CFAP57: variants seen among roughly 807,000 people sequenced by gnomAD.
CFAP57 encodes the protein cilia and flagella associated protein 57.
CFAP57 carries 116 observed loss-of-function variants against 146.8 expected under a neutral mutation model. The ratio of observed to expected loss-of-function variants is 0.79; its 90% CI spans 0.68 to 0.92. CFAP57 has a LOEUF of 0.92. Among genes scored for constraint, CFAP57 ranks in the 40% least tolerant of loss-of-function variants. The pLI is 0.00. For synonymous variants in CFAP57, 518 were observed against 552.8 expected (o/e 0.94, Z 0.88); for missense variants, 1,377 against 1,527.2 (o/e 0.90, Z 1.64).
chr1:43,186,610 CAAAA>C (rs36219136), intron 5 of CFAP57, 93 bp from the exon 6 acceptor site: 5,339 of 740,332 alleles, frequency 7.2e-3, no homozygotes, highest in Non-Finnish European at 8.4e-3. Flanking sequence ...GACTCCGTCT[CAAAA>C]AAAAAAAAAA....
chr1:43,213,219 CT>C (rs1476518750), intron 11 of CFAP57, among the ~76,000 whole-genome samples: 1 of 152,188 alleles, frequency 6.6e-6, no homozygotes, highest in African/African-American at 2.4e-5. Flanking sequence ...TCCCAAGTAG[CT>C]GGGATTACAG....
At chr1:43,247,270 A>G (rs1646144887) in intron 22 of CFAP57, among the ~76,000 whole-genome samples, 1 of 152,152 alleles carries the variant, frequency 6.6e-6, no homozygotes, top group African/African-American at 2.4e-5. Context: ...CAACCCCAAC[A>G]TTTCCCCACT....
intron 13 of CFAP57, among the ~76,000 whole-genome samples, chr1:43,220,711 G>A (rs547503843): frequency 2.0e-5 from 3 of 151,992 alleles, no homozygotes; most frequent in African/African-American, 4.8e-5. Context: ...ATGACAGAGC[G>A]AGGCCCTGTC....
At chr1:43,195,485 C>T (rs12033374) in intron 6 of CFAP57, among the ~76,000 whole-genome samples, 27,258 of 151,240 alleles carry the variant, frequency 0.18, 3,549 homozygotes, top group African/African-American at 0.35. Context: ...CACGCCACTG[C>T]ACTCCAGCCT....
chr1:43,197,344 G>A (rs998389180), intron 6 of CFAP57, among the ~76,000 whole-genome samples: 10 of 152,080 alleles, frequency 6.6e-5, no homozygotes, highest in South Asian at 2.1e-4. Context: ...GGGACAGAGC[G>A]AGACTCCATC....
intron 2 of CFAP57, among the ~76,000 whole-genome samples, chr1:43,175,310 T>C (rs143766746): frequency 0.014 from 2,154 of 152,036 alleles, 51 homozygotes; most frequent in African/African-American, 0.05. Context: ...TATATGTACA[T>C]GTATATATAC....
At chr1:43,237,005 A>G (rs1189530598) in intron 21 of CFAP57, among the ~76,000 whole-genome samples, 2 of 152,108 alleles carry the variant, frequency 1.3e-5, no homozygotes, top group Middle Eastern at 3.2e-3. Flanking sequence ...CTAGAAGCCC[A>G]TCACAGGATG....
At chr1:43,174,599 C>T (rs181892512) in intron 2 of CFAP57, among the ~76,000 whole-genome samples, 165 of 152,252 alleles carry the variant, frequency 1.1e-3, no homozygotes, top group East Asian at 5.8e-4. Flanking sequence ...GGGCAGATCA[C>T]GAGGTCAAGA....
intron 2 of CFAP57, among the ~76,000 whole-genome samples, chr1:43,174,938 A>C (rs11210803): frequency 0.2 from 30,744 of 152,204 alleles, 3,613 homozygotes; most frequent in Middle Eastern, 0.3. Context: ...ATTACTCTTT[A>C]CAAATCAGAT....
At chr1:43,222,791 C>T (rs1352334668) in intron 15 of CFAP57, 33 bp from the exon 16 acceptor site, 1 of 1,508,604 alleles carries the variant, frequency 6.6e-7, no homozygotes, top group East Asian at 2.5e-5. Flanking sequence ...AGTCCCTTCT[C>T]CCCTGACCAC....
intron 6 of CFAP57, among the ~76,000 whole-genome samples, chr1:43,192,837 GA>G (rs1329370261): frequency 6.6e-6 from 1 of 151,902 alleles, no homozygotes; most frequent in Non-Finnish European, 1.5e-5. Flanking sequence ...TGAGGCAGGA[GA>G]ATTGCTAGAA....
Position 43,243,333 on chromosome 1 carries a change from T to G in CFAP57, c.3512T>G (p.Val1171Gly). The G allele has an allele frequency of 6.5e-7, 1 of 1,538,472 alleles. No individual in the cohort carries two copies. The highest frequency in any genetic ancestry group is 8.8e-7 in the Non-Finnish European group (1 of 1,139,844). Residue 1171 changes from valine to glycine, a missense_variant, in exon 22 of 23, where the codon GTC becomes GGC. Val to Gly is a moderately radical substitution (Grantham distance 109, BLOSUM62 -3). Transcript: ENST00000372492. ...GCAGCTCTGAAACTGACCAAGAAAG[T>G]CCGACCACAAGAAGTTTCAGAGACA... Reference protein sequence around the residue: ...LEAALKLTKKVRPQEVSETEP... With the variant: ...LEAALKLTKKGRPQEVSETEP...
At chr1:43,223,143 C>T (rs1204638798) in intron 16 of CFAP57, 146 bp downstream of exon 16, 1 of 894,164 alleles carries the variant, frequency 1.1e-6, no homozygotes, top group Non-Finnish European at 1.7e-6. Flanking sequence ...GAGCACCAGC[C>T]AGTGCACCCT....
At chr1:43,210,185 G>A (rs1189454928) in intron 11 of CFAP57, 17 of 1,539,470 alleles carry the variant, frequency 1.1e-5, no homozygotes, top group Admixed American at 2.0e-5. Flanking sequence ...GGGGCCGTTT[G>A]GTGGATGCCG....
At chr1:43,220,722 C>T (rs952744273) in intron 13 of CFAP57, among the ~76,000 whole-genome samples, 2 of 151,806 alleles carry the variant, frequency 1.3e-5, no homozygotes, top group Non-Finnish European at 2.9e-5. Context: ...AGGCCCTGTC[C>T]CTCACCCCCT....
At chr1:43,247,220 A>G (rs1213174561) in intron 22 of CFAP57, among the ~76,000 whole-genome samples, 1 of 152,238 alleles carries the variant, frequency 6.6e-6, no homozygotes, top group Non-Finnish European at 1.5e-5. Flanking sequence ...GAGAACAAAC[A>G]GCAAACAAAT....
intron 22 of CFAP57, among the ~76,000 whole-genome samples, chr1:43,245,213 G>T (rs1036449216): frequency 3.9e-5 from 6 of 152,010 alleles, no homozygotes; most frequent in Non-Finnish European, 8.8e-5. Flanking sequence ...GGAGGTTGAG[G>T]TGTGAGGATT....
intron 21 of CFAP57, among the ~76,000 whole-genome samples, chr1:43,241,839 T>C (rs1645936686): frequency 6.6e-6 from 1 of 152,148 alleles, no homozygotes; most frequent in Non-Finnish European, 1.5e-5. Flanking sequence ...ACAAGCTGAC[T>C]ACTGTGGCTG....
At chr1:43,247,431 A>G (rs1646152837) in intron 22 of CFAP57, among the ~76,000 whole-genome samples, 3 of 152,230 alleles carry the variant, frequency 2.0e-5, no homozygotes, top group Non-Finnish European at 4.4e-5. Context: ...TACATGACCT[A>G]TTAGTAAGTA....
Sources: allele counts gnomAD v4.1 joint callset (sites outside exome capture counted in the v4.1 genomes callset), GRCh38; gene constraint gnomAD v4.1.1; transcripts MANE v1.5; gene names NCBI Gene and HGNC (gene_info 2026-07-23, HGNC 2026-07-21).